The following WIPI2 variants were observed in gnomAD, a reference collection of about 807,000 sequenced individuals.
WIPI2 encodes WD repeat domain phosphoinositide-interacting protein 2.
In WIPI2, 28 loss-of-function variants were observed where a neutral mutation model predicts 52.3. The ratio of observed to expected loss-of-function variants is 0.54; its 90% CI spans 0.40 to 0.73. The LOEUF (loss-of-function observed/expected upper bound fraction) is 0.73. Ranked by LOEUF, WIPI2 falls within the 30% of genes least tolerant of loss-of-function variation. The pLI, the probability that WIPI2 is intolerant of heterozygous loss-of-function variation, is 0.00. For missense variants in WIPI2, 506 were observed against 602.9 expected (o/e 0.84, Z 1.68); for synonymous variants, 268 against 245.0 (o/e 1.09, Z -0.88).
In WIPI2 at chr7:5,233,340, C is replaced by T. The variant is rs537088062; in HGVS notation, c.*2393C>T. ...GAGTGACGGGGACAGAGGGAGGCCG[C>T]TGAGTTGCCCGTTAGAACTCTTACT... is the stretch of plus-strand genomic sequence containing the variant. On this transcript the variant is annotated 3_prime_UTR_variant, in exon 13 of 13. Transcript: ENST00000288828. 70 of 152,368 alleles carry T rather than the reference C, an allele frequency of 4.6e-4. No individual in the cohort carries two copies. The highest frequency in any genetic ancestry group is 1.7e-3 in the African/African-American group (69 of 41,566). 9.4% of individuals were successfully genotyped at this position (152,368 alleles called of 1,614,324 possible). A position where few individuals can be genotyped will look rare whatever the true frequency, so the allele number is the denominator to read the frequency against.
At chr7:5,207,048 T>G (rs1317454808) in intron 3 of WIPI2, among the ~76,000 whole-genome samples, 1 of 152,016 alleles carries the variant, frequency 6.6e-6, no homozygotes, top group Non-Finnish European at 1.5e-5. Context: ...GTGCTGAGAT[T>G]ACAGACAAAC....
Position 5,232,251 on chromosome 7 carries a change from A to T in WIPI2, c.*1304A>T. The T allele has an allele frequency of 2.5e-6, 1 of 398,670 alleles. No homozygotes were observed. The highest frequency in any genetic ancestry group is 1.3e-4 in the South Asian group (1 of 7,860). 24.7% of individuals were successfully genotyped at this position (398,670 alleles called of 1,614,324 possible). ...GCAGGCTGGGGTTTTTGAACCGAGGAAGGCTGGGACGCCTGTTTCCAGATG... is the reference window on the plus strand; with the variant it reads ...GCAGGCTGGGGTTTTTGAACCGAGGTAGGCTGGGACGCCTGTTTCCAGATG... On this transcript the variant is annotated 3_prime_UTR_variant, in exon 13 of 13. Transcript: ENST00000288828.
At chr7:5,209,730 T>G (rs1331161151) in intron 3 of WIPI2, among the ~76,000 whole-genome samples, 1 of 152,008 alleles carries the variant, frequency 6.6e-6, no homozygotes, top group Non-Finnish European at 1.5e-5. Context: ...TCTCTTTCCT[T>G]CTTCAGGTGA....
In WIPI2 at chr7:5,229,724, C is replaced by A. The variant is rs1200934455; in HGVS notation, c.1238C>A (p.Ser413Tyr). 8.7e-6 allele frequency: 14 copies of A among 1,613,952 alleles called. No individual in the cohort carries two copies. Among genetic ancestry groups the A allele is most frequent in the Middle Eastern group, 3.3e-4 (2 of 6,062 alleles). ...AAGKGTYVPS[S>Y]PTRLAYTDDL... ...GGAAAAGGTACTTACGTGCCTTCAT[C>A]CCCAACGAGACTTGGTAAGGGGCGT... Residue 413 changes from serine (S) to tyrosine (Y), a missense_variant, in exon 12 of 13, where the codon TCC (serine) becomes TAC (tyrosine). Around this residue, in one of 4 missense-constraint regions of WIPI2, gnomAD observed 194 missense variants for 175.1 expected, o/e 1.11. Transcript: ENST00000288828.
intron 1 of WIPI2, 173 bp downstream of exon 1, chr7:5,190,666 C>T (rs2115182798): frequency 5.9e-6 from 3 of 512,386 alleles, no homozygotes; most frequent in East Asian, 3.8e-5. Flanking sequence ...GGGCGCCCTC[C>T]AGGGAGACCC....
At chr7:5,214,221 C>A in intron 3 of WIPI2, 1 of 1,279,912 alleles carries the variant, frequency 7.8e-7, no homozygotes, top group Non-Finnish European at 1.0e-6. Flanking sequence ...CTTACTCTTT[C>A]ACTTTACCTA....
At chr7:5,193,092 T>G (rs1321251475) in intron 1 of WIPI2, 26 bp from the exon 2 acceptor site, 1 of 1,602,400 alleles carries the variant, frequency 6.2e-7, no homozygotes, top group Admixed American at 1.7e-5. Context: ...CATTTGTTTT[T>G]TGTTTTGTTT....
intron 7 of WIPI2, among the ~76,000 whole-genome samples, chr7:5,221,965 TCC>T (rs869227781): frequency 1.8e-3 from 74 of 41,368 alleles, no homozygotes; most frequent in African/African-American, 5.9e-3. Context: ...TTTTTTTTTT[TCC>T]CCCCCCGAGA....
At chr7:5,221,966 C>G (rs11773482) in intron 7 of WIPI2, among the ~76,000 whole-genome samples, 4 of 97,006 alleles carry the variant, frequency 4.1e-5, no homozygotes, top group Non-Finnish European at 6.5e-5. Flanking sequence ...TTTTTTTTTT[C>G]CCCCCCCGAG....
chr7:5,197,118 CAAAAAAAA>C (rs869261081), intron 2 of WIPI2, among the ~76,000 whole-genome samples: 4 of 41,452 alleles, frequency 9.6e-5, no homozygotes, highest in African/African-American at 3.1e-4. Context: ...TCTCAAAAAA[CAAAAAAAA>C]AAAAAAAAAA....
chr7:5,202,728 G>C (rs989667796), intron 3 of WIPI2, among the ~76,000 whole-genome samples: 2 of 151,230 alleles, frequency 1.3e-5, no homozygotes, highest in Non-Finnish European at 2.9e-5. Context: ...GAGCCACCGC[G>C]CCCGGCCTCT....
At chr7:5,191,327 T>C (rs1781474691) in intron 1 of WIPI2, among the ~76,000 whole-genome samples, 1 of 152,174 alleles carries the variant, frequency 6.6e-6, no homozygotes, top group Non-Finnish European at 1.5e-5. Flanking sequence ...CGGCCCTCCC[T>C]GTTCTTTTTG....
chr7:5,223,471 G>A (rs1019887817), intron 8 of WIPI2, among the ~76,000 whole-genome samples: 5 of 151,962 alleles, frequency 3.3e-5, no homozygotes, highest in Admixed American at 6.5e-5. Context: ...ATCCCCAAAC[G>A]TCACCGCTCC....
chr7:5,190,741 C>T (rs965110075), intron 1 of WIPI2: 50 of 371,006 alleles, frequency 1.3e-4, no homozygotes, highest in African/African-American at 9.1e-4. Context: ...GCTGCTTTCA[C>T]CCTCTTGCGG....
At chr7:5,208,781 C>T (rs1469825475) in intron 3 of WIPI2, among the ~76,000 whole-genome samples, 1 of 152,110 alleles carries the variant, frequency 6.6e-6, no homozygotes, top group Non-Finnish European at 1.5e-5. Flanking sequence ...TGTCAGTCTT[C>T]AACTTTGTTC....
At chr7:5,195,092 C>G (rs2115197058) in intron 2 of WIPI2, among the ~76,000 whole-genome samples, 1 of 152,196 alleles carries the variant, frequency 6.6e-6, no homozygotes, top group Admixed American at 6.5e-5. Context: ...GTTTGGGCAC[C>G]AGGCACAGTT....
At chr7:5,228,649 G>A (rs1783566337) in intron 11 of WIPI2, among the ~76,000 whole-genome samples, 1 of 152,356 alleles carries the variant, frequency 6.6e-6, no homozygotes, top group Middle Eastern at 3.4e-3. Context: ...TGGAAAACAG[G>A]GAGTTAACAT....
Position 5,231,791 on chromosome 7 carries a change from C to G in WIPI2, c.*844C>G, listed in dbSNP as rs1289541633. On this transcript the variant is annotated 3_prime_UTR_variant, in exon 13 of 13. Coordinates refer to ENST00000288828, the MANE Select transcript of WIPI2 (RefSeq NM_015610.4). ...AGTAAAGTTTGTAGCTCCTCCCATG[C>G]CCAGGAAAGCACAGAACTCAAGTGT... 1 of 179,662 alleles carries G rather than the reference C, an allele frequency of 5.6e-6. No individual in the cohort carries two copies. Among genetic ancestry groups the G allele is most frequent in the Non-Finnish European group, 1.2e-5 (1 of 86,686 alleles). The allele number at this position is 179,662 out of a possible 1,614,324, so 11.1% of individuals were successfully genotyped here.
rs958005402 is a variant in WIPI2, at chr7:5,227,197, C to A, written c.866C>A (p.Thr289Asn). The stretch of plus-strand genomic sequence containing the variant: ...CCTTCCAGACCCCCAGAGGAGCCCA[C>A]CACCTGGACCGGGTACTTCGGGAAA... ...TVKEKPPEEPTTWTGYFGKVL... is the reference protein window; with the variant it reads ...TVKEKPPEEPNTWTGYFGKVL... The change falls in exon 10 of 13, where the codon ACC becomes AAC. Residue 289 changes from threonine (T) to asparagine (N), a missense_variant. By Grantham distance (65) the Thr-to-Asn change is moderately conservative (BLOSUM62 0). Around this residue, in one of 4 missense-constraint regions of WIPI2, gnomAD observed 237 missense variants for 346.9 expected, o/e 0.68. Coordinates refer to ENST00000288828, the MANE Select transcript of WIPI2 (RefSeq NM_015610.4). The surrounding 1 kb of genome is among the most constrained non-coding windows in gnomAD (Gnocchi z 8.1). The A allele has an allele frequency of 1.9e-6, 3 of 1,613,988 alleles. No individual in the cohort carries two copies. Among genetic ancestry groups the A allele is most frequent in the Non-Finnish European group, 2.5e-6 (3 of 1,180,018 alleles).
Sources: gnomAD v4.1 joint callset for allele counts (sites outside exome capture counted in the v4.1 genomes callset) on GRCh38, gnomAD v4.1.1 for gene constraint, gnomAD v4.1.1 regional missense constraint, Gnocchi (gnomAD v3.1) non-coding constraint, MANE v1.5 for transcripts, NCBI Gene and HGNC (gene_info 2026-07-23, HGNC 2026-07-21) for gene names.